Variants in NAV2 observed in about 807,000 individuals in gnomAD.
NAV2 encodes neuron navigator 2, also known as helicase, APC down-regulated 1.
NAV2 carries 54 observed loss-of-function variants against 223.2 expected under a neutral mutation model. That is an observed-to-expected ratio of 0.24 (90% CI 0.19 to 0.30). The LOEUF is 0.30. Among genes scored for constraint, NAV2 ranks in the 10% least tolerant of loss-of-function variants. The pLI, the probability that NAV2 is intolerant of heterozygous loss-of-function variation, is 1.00. For synonymous variants in NAV2, 1,279 were observed against 1,239.3 expected (o/e 1.03, Z -0.67); for missense variants, 2,806 against 3,147.5 (o/e 0.89, Z 2.60).
chr11:19,548,303 T>C (rs1211321522), intron 1 of NAV2, among the ~76,000 whole-genome samples: 1 of 152,238 alleles, frequency 6.6e-6, no homozygotes, highest in African/African-American at 2.4e-5. Flanking sequence ...AATTCGGTTA[T>C]TACCCTTCAC....
chr11:19,662,625 C>A (rs1053949107), intron 1 of NAV2, among the ~76,000 whole-genome samples: 13 of 152,244 alleles, frequency 8.5e-5, no homozygotes, highest in Non-Finnish European at 1.9e-4. Context: ...GTCTGGCACC[C>A]CAGTGGCACC....
chr11:19,392,134 A>G (rs1431975236), intron 1 of NAV2, among the ~76,000 whole-genome samples: 1 of 152,212 alleles, frequency 6.6e-6, no homozygotes, highest in Admixed American at 6.5e-5. Flanking sequence ...CTTGAAAAGT[A>G]GTATGGAATA....
Position 19,713,707 on chromosome 11 carries a change from C to A in NAV2, c.12C>A (p.Ile4=), listed in dbSNP as rs775920285. The change falls in exon 1 of 38, where the codon ATC becomes ATA. Residue 4 remains isoleucine, a synonymous_variant. Transcript: ENST00000349880. The surrounding 1 kb of genome is among the most constrained non-coding windows in gnomAD (Gnocchi z 7.2). ...AGCCCCGGGAGAAGATGCCGGCCAT[C>A]CTGGTCGCCTCCAAAATGAAGTCGG... is the stretch of plus-strand genomic sequence containing the variant. MPA[I]LVASKMKSGL... 69 of 1,571,628 alleles carry A rather than the reference C, an allele frequency of 4.4e-5. No homozygotes were observed. Among genetic ancestry groups the A allele is most frequent in the Non-Finnish European group, 5.9e-5 (68 of 1,154,766 alleles).
chr11:19,893,865 A>G (rs1376772682), intron 6 of NAV2, among the ~76,000 whole-genome samples: 1 of 152,044 alleles, frequency 6.6e-6, no homozygotes, highest in Non-Finnish European at 1.5e-5. Context: ...TCTTCACCGT[A>G]CCAGTGTGTT....
At chr11:19,841,620 A>G (rs1388389428) in intron 2 of NAV2, among the ~76,000 whole-genome samples, 2 of 152,150 alleles carry the variant, frequency 1.3e-5, no homozygotes, top group Admixed American at 1.3e-4. Context: ...TAAGAACAAA[A>G]CAGAGGCAGG....
At chr11:19,667,520 G>T (rs913214584) in intron 1 of NAV2, among the ~76,000 whole-genome samples, 2 of 152,162 alleles carry the variant, frequency 1.3e-5, no homozygotes, top group Non-Finnish European at 2.9e-5. Flanking sequence ...GTGTGTTGTG[G>T]GGCCCAGGGT....
chr11:20,097,476 G>C, intron 30 of NAV2, 101 bp from the exon 31 acceptor site: 1 of 984,246 alleles, frequency 1.0e-6, no homozygotes, highest in South Asian at 2.1e-5. Context: ...AGACATCTGA[G>C]AAAGAAGAGA....
At chr11:19,867,299 A>G (rs1205274084) in intron 3 of NAV2, among the ~76,000 whole-genome samples, 1 of 152,172 alleles carries the variant, frequency 6.6e-6, no homozygotes, top group Admixed American at 6.5e-5. Context: ...ATGTAAATGC[A>G]GGCTCCTGTG....
intron 30 of NAV2, 62 bp downstream of exon 30, chr11:20,095,829 G>C: frequency 8.3e-7 from 1 of 1,208,134 alleles, no homozygotes; most frequent in African/African-American, 1.5e-5. Context: ...GGCCTGGGGA[G>C]GAAAAGAGAG....
chr11:19,656,945 G>A (rs1422555052), intron 1 of NAV2, among the ~76,000 whole-genome samples: 2 of 152,186 alleles, frequency 1.3e-5, no homozygotes, highest in African/African-American at 2.4e-5. Context: ...CTGGGAGAAT[G>A]CAGGAGCCAT....
chr11:19,846,602 C>T (rs1022265122), intron 3 of NAV2, among the ~76,000 whole-genome samples: 3 of 151,774 alleles, frequency 2.0e-5, no homozygotes, highest in Non-Finnish European at 2.9e-5. Flanking sequence ...AGCACTAATA[C>T]GCATCTACAC....
chr11:19,788,402 T>C (rs1369088631), intron 1 of NAV2, among the ~76,000 whole-genome samples: 2 of 152,212 alleles, frequency 1.3e-5, no homozygotes, highest in African/African-American at 4.8e-5. Flanking sequence ...TGAGTCCTCC[T>C]CTTCTGCATT....
chr11:20,016,022 C>T (rs1012077291), intron 11 of NAV2, among the ~76,000 whole-genome samples: 18 of 152,152 alleles, frequency 1.2e-4, no homozygotes, highest in Non-Finnish European at 2.4e-4. Flanking sequence ...ATTCTCTGAG[C>T]GCCGGTTTCT....
chr11:19,818,714 A>G (rs530927064), intron 1 of NAV2, among the ~76,000 whole-genome samples: 5 of 152,302 alleles, frequency 3.3e-5, no homozygotes, highest in Admixed American at 6.5e-5. Context: ...ATAGCACTTT[A>G]GCATCCACCG....
intron 1 of NAV2, among the ~76,000 whole-genome samples, chr11:19,661,996 G>C (rs1482138512): frequency 6.6e-6 from 1 of 152,154 alleles, no homozygotes; most frequent in African/African-American, 2.4e-5. Flanking sequence ...TGGCTGCCTG[G>C]AATGCAGTGG....
At chr11:19,523,821 A>G (rs1363908677) in intron 1 of NAV2, among the ~76,000 whole-genome samples, 3 of 152,006 alleles carry the variant, frequency 2.0e-5, no homozygotes, top group Non-Finnish European at 4.4e-5. Flanking sequence ...TTCACCTCCC[A>G]TCGCCCACTC....
chr11:19,879,008 C>G (rs2063033616), intron 4 of NAV2, among the ~76,000 whole-genome samples: 1 of 152,152 alleles, frequency 6.6e-6, no homozygotes, highest in Non-Finnish European at 1.5e-5. Flanking sequence ...CCAAGGTTCC[C>G]TTTCCTCTGT....
At chr11:19,789,922 T>C (rs1401866212) in intron 1 of NAV2, among the ~76,000 whole-genome samples, 1 of 152,218 alleles carries the variant, frequency 6.6e-6, no homozygotes, top group South Asian at 2.1e-4. Flanking sequence ...CTGATTACCC[T>C]TCTCATGGCT....
At chr11:19,832,691 C>A in intron 2 of NAV2, 90 bp downstream of exon 2, 3 of 983,518 alleles carry the variant, frequency 3.1e-6, no homozygotes, top group Non-Finnish European at 4.8e-6. Flanking sequence ...TGAAATCTCT[C>A]AGAAGGCAGC....
Sources: gnomAD v4.1 joint callset for allele counts (sites outside exome capture counted in the v4.1 genomes callset) on GRCh38, gnomAD v4.1.1 for gene constraint, Gnocchi (gnomAD v3.1) non-coding constraint, MANE v1.5 for transcripts, NCBI Gene and HGNC (gene_info 2026-07-23, HGNC 2026-07-21) for gene names.